SPI1: variants seen among roughly 807,000 people sequenced by gnomAD.
SPI1 encodes the protein Spi-1 proto-oncogene, also known as transcription factor PU.1.
SPI1 carries 3 observed loss-of-function variants against 30.7 expected under a neutral mutation model. The observed-to-expected ratio is 0.10, with a 90% CI of 0.04 to 0.25. SPI1 has a LOEUF of 0.25. Among genes scored for constraint, SPI1 ranks in the 10% least tolerant of loss-of-function variants. The pLI, the probability that SPI1 is intolerant of heterozygous loss-of-function variation, is 1.00. For synonymous variants in SPI1, 169 were observed against 157.1 expected, an observed-to-expected ratio of 1.08 and a Z score of -0.56; for missense variants, 261 against 371.5, an observed-to-expected ratio of 0.70 and a Z score of 2.45.
chr11:47,369,560 G>A (rs1235297022), intron 2 of SPI1, among the ~76,000 whole-genome samples: 25 of 137,522 alleles, frequency 1.8e-4, no homozygotes, highest in Admixed American at 2.9e-4. Flanking sequence ...GAGAGAGAGA[G>A]AAAAAAAAAA....
intron 2 of SPI1, among the ~76,000 whole-genome samples, chr11:47,372,513 T>C (rs979512954): frequency 3.9e-5 from 6 of 152,092 alleles, no homozygotes; most frequent in Non-Finnish European, 5.9e-5. Context: ...TCAGAAACTA[T>C]TTAATGGATG....
chr11:47,359,025 A>C lies in SPI1; in HGVS notation c.331-19T>G. On this transcript the variant is annotated intron_variant, in intron 3 of 4. Coordinates refer to ENST00000378538, the MANE Select transcript of SPI1 (RefSeq NM_003120.3). The surrounding 1 kb of genome is among the most constrained non-coding windows in gnomAD (Gnocchi z 5.1). ...AGGAGACCTGGACGGTGGGGGAAGG[A>C]GATCAGAGTCAGGAAGGGCCAGCTT... 1 of 1,518,416 alleles carries C rather than the reference A, an allele frequency of 6.6e-7. No individual in the cohort carries two copies. The allele number at this position is 1,518,416 out of a possible 1,614,324, so 94.1% of individuals were successfully genotyped here.
intron 2 of SPI1, among the ~76,000 whole-genome samples, chr11:47,365,945 T>G (rs2142890260): frequency 6.6e-6 from 1 of 152,296 alleles, no homozygotes; most frequent in South Asian, 2.1e-4. Context: ...CCCACCCGCC[T>G]TGGCCTTCCA....
At chr11:47,371,667 TAAA>T (rs202084665) in intron 2 of SPI1, among the ~76,000 whole-genome samples, 1 of 138,504 alleles carries the variant, frequency 7.2e-6, no homozygotes. Flanking sequence ...AACTCCGTCT[TAAA>T]AAAAAAAAAA....
At chr11:47,361,306 C>T (rs574055022) in intron 2 of SPI1, among the ~76,000 whole-genome samples, 8 of 152,214 alleles carry the variant, frequency 5.3e-5, no homozygotes, top group South Asian at 4.1e-4. Context: ...TCCAGGCACA[C>T]GGTGGCCCTT....
At chr11:47,357,623 T>C (rs1413416742) in intron 4 of SPI1, among the ~76,000 whole-genome samples, 4 of 151,996 alleles carry the variant, frequency 2.6e-5, no homozygotes, top group Non-Finnish European at 5.9e-5. Flanking sequence ...TGGAGTGCAA[T>C]GGCACGATCT....
chr11:47,362,723 G>A (rs2095922635), intron 2 of SPI1, among the ~76,000 whole-genome samples: 1 of 151,906 alleles, frequency 6.6e-6, no homozygotes. Context: ...ATACAGGCAT[G>A]TACCACCATG....
chr11:47,358,522 G>A (rs752864626), intron 4 of SPI1: 17 of 673,720 alleles, frequency 2.5e-5, no homozygotes, highest in Admixed American at 8.1e-5. Flanking sequence ...ACAGCCACTC[G>A]CACACATGCA....
At chr11:47,356,234 C>G (rs1477490524) in intron 4 of SPI1, among the ~76,000 whole-genome samples, 2 of 151,506 alleles carry the variant, frequency 1.3e-5, no homozygotes, top group Non-Finnish European at 2.9e-5. Flanking sequence ...CACTCATTCA[C>G]TAACATGCCC....
chr11:47,378,129 T>C (rs1211193254), intron 1 of SPI1, among the ~76,000 whole-genome samples, 180 bp downstream of exon 1: 1 of 152,232 alleles, frequency 6.6e-6, no homozygotes, highest in Non-Finnish European at 1.5e-5. Flanking sequence ...CGCCAGGGCA[T>C]GCTCCGAGGA....
intron 4 of SPI1, among the ~76,000 whole-genome samples, chr11:47,355,972 C>T (rs1004838788): frequency 5.3e-5 from 4 of 75,918 alleles, no homozygotes; most frequent in Admixed American, 4.5e-4. Context: ...CTCACTCATG[C>T]TCACACCCAC....
Position 47,355,151 on chromosome 11 carries a change from C to T in SPI1, c.*76G>A. 1 of 1,183,772 alleles carries T rather than the reference C, an allele frequency of 8.4e-7. No homozygotes were observed. Among genetic ancestry groups the T allele is most frequent in the Non-Finnish European group, 1.1e-6 (1 of 940,340 alleles). The allele number at this position is 1,183,772 out of a possible 1,614,324, so 73.3% of individuals were successfully genotyped here. On this transcript the variant is annotated 3_prime_UTR_variant, in exon 5 of 5. Coordinates refer to ENST00000378538, the MANE Select transcript of SPI1 (RefSeq NM_003120.3). Reference sequence around the variant, plus strand: ...CCTCTGGGCCCCGGGAGCGTCCTCCCTGTGTCCGGGCCGGGCGAGGGCTTA... The same window carrying T: ...CCTCTGGGCCCCGGGAGCGTCCTCCTTGTGTCCGGGCCGGGCGAGGGCTTA...
Position 47,375,701 on chromosome 11 carries a change from G to T in SPI1, c.74C>A (p.Thr25Lys). ...PPSEDLVPYD[T>K]DLYQRQTHEY... ...GTGCGTTTGGCGTTGGTATAGATCC[G>T]TGTCATAGGGCACCAGGTCTTCTGA... The change falls in exon 2 of 5, where the codon ACG becomes AAG. Residue 25 changes from threonine (T) to lysine (K), a missense_variant. Around this residue, in one of 5 missense-constraint regions of SPI1, gnomAD observed 78 missense variants for 93.2 expected, o/e 0.84. Transcript: ENST00000378538. This position sits in a 1 kb window ranked among gnomAD's most constrained non-coding sequence, Gnocchi z 4.2. 6.2e-7 allele frequency: 1 copy of T among 1,613,908 alleles called. No homozygotes were observed. Among genetic ancestry groups the T allele is most frequent in the Non-Finnish European group, 8.5e-7 (1 of 1,179,898 alleles).
intron 2 of SPI1, among the ~76,000 whole-genome samples, chr11:47,361,558 C>T (rs558278640): frequency 2.6e-5 from 4 of 152,140 alleles, no homozygotes; most frequent in South Asian, 2.1e-4. Flanking sequence ...GGGCGCAATT[C>T]GGGGTCCAAA....
Position 47,358,911 on chromosome 11 carries a change from T to TG in SPI1, c.425dup (p.Leu143ThrfsTer5). 6.4e-7 allele frequency: 1 copy of TG among 1,563,050 alleles called. No homozygotes were observed. ...CCGCCTCGCCGTCAGACACCTCCAGTGGGGGGCTCTGCCGCTCGCCCTCCT... is the reference window on the plus strand; with the variant it reads ...CCGCCTCGCCGTCAGACACCTCCAGTGGGGGGGCTCTGCCGCTCGCCCTCCT... On this transcript the variant is annotated frameshift_variant, in exon 4 of 5. Coordinates refer to ENST00000378538, the MANE Select transcript of SPI1 (RefSeq NM_003120.3). LOFTEE classifies it high-confidence loss of function.
chr11:47,366,822 A>AAAAAG (rs10635081), intron 2 of SPI1, among the ~76,000 whole-genome samples: 31,492 of 149,160 alleles, frequency 0.21, 3,908 homozygotes, highest in African/African-American at 0.35. Flanking sequence ...ACGCTGTCTC[A>AAAAAG]AAAAGAAAAG....
chr11:47,365,169 G>A (rs971745712), intron 2 of SPI1, among the ~76,000 whole-genome samples: 4 of 152,246 alleles, frequency 2.6e-5, no homozygotes, highest in Middle Eastern at 3.4e-3. Flanking sequence ...ATGACTCTTC[G>A]AGAACAAATT....
rs2095905892 is a variant in SPI1 at position 47,355,068 on chromosome 11, G to A, written c.*159C>T. The A allele has an allele frequency of 4.6e-6, 2 of 438,650 alleles. No homozygotes were observed. Among genetic ancestry groups the A allele is most frequent in the East Asian group, 4.3e-5 (1 of 23,176 alleles). The allele number at this position is 438,650 out of a possible 1,614,324, so 27.2% of individuals were successfully genotyped here. ...GAGGGAGGCGAAGCGGGATGTGGAG[G>A]GGGCCTGGAGTGGGGGGAGGGGGCG... On this transcript the variant is annotated 3_prime_UTR_variant, in exon 5 of 5. Transcript: ENST00000378538.
intron 4 of SPI1, chr11:47,358,607 C>G (rs1565637637): frequency 2.8e-6 from 2 of 704,666 alleles, no homozygotes; most frequent in Non-Finnish European, 5.2e-6. Context: ...ACTCATGGCA[C>G]AGAGAGACAC....
Sources: allele counts gnomAD v4.1 joint callset (sites outside exome capture counted in the v4.1 genomes callset), GRCh38; gene constraint gnomAD v4.1.1; regional missense constraint gnomAD v4.1.1; non-coding constraint Gnocchi (gnomAD v3.1); transcripts MANE v1.5; gene names NCBI Gene and HGNC (gene_info 2026-07-23, HGNC 2026-07-21).